KCTD9: variants seen among roughly 807,000 people sequenced by gnomAD.
KCTD9 encodes potassium channel tetramerization domain containing 9, also known as BTB/POZ domain-containing protein KCTD9.
In KCTD9, 17 loss-of-function variants were observed where a neutral mutation model predicts 53.3. That is an observed-to-expected ratio of 0.32 (90% CI 0.22 to 0.48). The LOEUF (loss-of-function observed/expected upper bound fraction) is 0.48, where lower values mean the gene tolerates loss of function less well. Ranked by LOEUF, KCTD9 falls within the 20% of genes least tolerant of loss-of-function variation. The pLI, the probability that KCTD9 is intolerant of heterozygous loss-of-function variation, is 0.99. For synonymous variants in KCTD9, 128 were observed against 162.7 expected, an observed-to-expected ratio of 0.79 and a Z score of 1.62; for missense variants, 179 against 465.5, an observed-to-expected ratio of 0.38 and a Z score of 5.66.
chr8:25,446,293 T>C, intron 1 of KCTD9, 43 bp from the exon 2 acceptor site: 4 of 1,603,628 alleles, frequency 2.5e-6, no homozygotes, highest in East Asian at 2.2e-5. Flanking sequence ...CTTTAATACA[T>C]GTTATCCCCC....
At chr8:25,438,736 T>G (rs139839544) in intron 6 of KCTD9, among the ~76,000 whole-genome samples, 1 of 152,374 alleles carries the variant, frequency 6.6e-6, no homozygotes, top group East Asian at 1.9e-4. Flanking sequence ...AATCTTGTGA[T>G]GTAGATAGGG....
chr8:25,453,228 G>A (rs570382300), intron 1 of KCTD9, among the ~76,000 whole-genome samples: 100 of 152,024 alleles, frequency 6.6e-4, no homozygotes, highest in Middle Eastern at 3.4e-3. Context: ...GTGGTGGCAC[G>A]TGCCTGTAAT....
At chr8:25,440,695 T>C (rs760624126) in intron 3 of KCTD9, 22 bp from the exon 4 acceptor site, 1 of 1,458,288 alleles carries the variant, frequency 6.9e-7, no homozygotes, top group South Asian at 1.1e-5. Context: ...ATGTAGAAAA[T>C]AATACAAATA....
chr8:25,440,485 G>C (rs1802102451), intron 4 of KCTD9, 92 bp downstream of exon 4: 2 of 856,566 alleles, frequency 2.3e-6, no homozygotes, highest in Non-Finnish European at 4.0e-6. Context: ...CAGCATTTGA[G>C]TATCTTTTAA....
intron 3 of KCTD9, among the ~76,000 whole-genome samples, chr8:25,443,788 T>C (rs1802165454): frequency 6.6e-6 from 1 of 152,226 alleles, no homozygotes; most frequent in Admixed American, 6.5e-5. Context: ...CGGCCTTTTC[T>C]TTTGAGATAT....
intron 1 of KCTD9, among the ~76,000 whole-genome samples, chr8:25,453,415 G>A (rs1036254420): frequency 1.3e-5 from 2 of 151,756 alleles, no homozygotes; most frequent in African/African-American, 2.4e-5. Flanking sequence ...CAGCACTTTG[G>A]GAGGCTGAGG....
At chr8:25,450,991 T>G (rs567859060) in intron 1 of KCTD9, among the ~76,000 whole-genome samples, 20 of 152,300 alleles carry the variant, frequency 1.3e-4, no homozygotes, top group African/African-American at 4.8e-4. Context: ...GGTGGTCAAT[T>G]AGAGAAAACA....
At chr8:25,437,435 G>C (rs1478568864) in intron 6 of KCTD9, among the ~76,000 whole-genome samples, 1 of 152,116 alleles carries the variant, frequency 6.6e-6, no homozygotes, top group African/African-American at 2.4e-5. Flanking sequence ...AGCACTTTGG[G>C]AGGCTGAGGT....
intron 6 of KCTD9, among the ~76,000 whole-genome samples, chr8:25,436,812 C>T (rs1160719103): frequency 6.6e-6 from 1 of 152,124 alleles, no homozygotes; most frequent in Non-Finnish European, 1.5e-5. Context: ...AAATGTACAT[C>T]CTTTACATGA....
At chr8:25,454,022 C>T (rs141351948) in intron 1 of KCTD9, among the ~76,000 whole-genome samples, 20 of 152,276 alleles carry the variant, frequency 1.3e-4, no homozygotes, top group Admixed American at 4.6e-4. Flanking sequence ...TGGATACTTA[C>T]TACTAACAAC....
At chr8:25,446,020 GC>G (rs1040316968) in intron 2 of KCTD9, 108 bp downstream of exon 2, 2 of 1,401,976 alleles carry the variant, frequency 1.4e-6, no homozygotes, top group Non-Finnish European at 1.9e-6. Context: ...GTAAACACTT[GC>G]CAAAATCCTG....
chr8:25,432,719 G>A (rs1314427120), intron 10 of KCTD9, 82 bp from the exon 11 acceptor site: 1 of 1,246,372 alleles, frequency 8.0e-7, no homozygotes, highest in African/African-American at 1.5e-5. Context: ...TGACTTAATG[G>A]AGGCCTCTTT....
intron 1 of KCTD9, among the ~76,000 whole-genome samples, chr8:25,448,725 G>T (rs928090317): frequency 6.6e-6 from 1 of 151,936 alleles, no homozygotes; most frequent in Admixed American, 6.6e-5. Context: ...GACCAGCTTG[G>T]GCAACACAGT....
At chr8:25,431,889 A>G (rs901895476) in intron 11 of KCTD9, among the ~76,000 whole-genome samples, 30 of 152,210 alleles carry the variant, frequency 2.0e-4, no homozygotes, top group Non-Finnish European at 4.4e-5. Flanking sequence ...AATGAATTAA[A>G]ATTAAATAAA....
At chr8:25,447,545 T>C (rs1009472897) in intron 1 of KCTD9, among the ~76,000 whole-genome samples, 5 of 152,178 alleles carry the variant, frequency 3.3e-5, no homozygotes, top group African/African-American at 1.2e-4. Context: ...GTGGACAGTT[T>C]CTAGTTAAAT....
chr8:25,446,709 G>A (rs1193097827), intron 1 of KCTD9, among the ~76,000 whole-genome samples: 1 of 152,168 alleles, frequency 6.6e-6, no homozygotes, highest in Non-Finnish European at 1.5e-5. Context: ...TCCCTATTAT[G>A]TTGTCCTTTT....
At chr8:25,453,894 T>C (rs1370913240) in intron 1 of KCTD9, among the ~76,000 whole-genome samples, 2 of 152,196 alleles carry the variant, frequency 1.3e-5, no homozygotes, top group African/African-American at 4.8e-5. Context: ...TATTAAGAAA[T>C]GTTCAAGCTT....
At chr8:25,444,646 G>T (rs1802183725) in intron 2 of KCTD9, among the ~76,000 whole-genome samples, 1 of 152,172 alleles carries the variant, frequency 6.6e-6, no homozygotes, top group Non-Finnish European at 1.5e-5. Flanking sequence ...TGAAAGGATA[G>T]ATTAAAGTCA....
Position 25,429,748 on chromosome 8 carries a change from T to A in KCTD9, c.*109A>T, listed in dbSNP as rs17061024. On this transcript the variant is annotated 3_prime_UTR_variant, in exon 12 of 12. Coordinates refer to ENST00000221200, the MANE Select transcript of KCTD9 (RefSeq NM_017634.4). ...CATAATCCTCTAAATGTTTTTTTTT[T>A]AAATTTCCTTACAGTGTTATTTCTT... The A allele has an allele frequency of 0.055, 37,223 of 675,038 alleles. 1,333 individuals are homozygous for A. The highest frequency in any genetic ancestry group is 0.094 in the South Asian group (5,296 of 56,406). The allele number at this position is 675,038 out of a possible 1,614,324, so 41.8% of individuals were successfully genotyped here.
Sources: gnomAD v4.1 joint callset for allele counts (sites outside exome capture counted in the v4.1 genomes callset) on GRCh38, gnomAD v4.1.1 for gene constraint, MANE v1.5 for transcripts, NCBI Gene and HGNC (gene_info 2026-07-23, HGNC 2026-07-21) for gene names.